Variants in SSBP2 observed in about 807,000 individuals in gnomAD.
The protein encoded by SSBP2 is single stranded DNA binding protein 2.
In SSBP2, 17 loss-of-function variants were observed where a neutral mutation model predicts 61.8. That is an observed-to-expected ratio of 0.28 (90% confidence interval 0.19 to 0.41). The LOEUF is 0.41. SSBP2 is among the 10% of genes least tolerant of loss of function. SSBP2 has a pLI of 1.00. For synonymous variants in SSBP2, 139 were observed against 141.3 expected, an observed-to-expected ratio of 0.98 and a Z score of 0.12; for missense variants, 310 against 458.7, an observed-to-expected ratio of 0.68 and a Z score of 2.96.
chr5:81,474,677 T>TG, intron 6 of SSBP2, 115 bp from the exon 7 acceptor site: 1 of 689,846 alleles, frequency 1.4e-6, no homozygotes, highest in Non-Finnish European at 2.2e-6. Flanking sequence ...ATTTGAGTAT[T>TG]TCTCAAGATT....
chr5:81,502,985 C>T (rs1446717840), intron 5 of SSBP2, among the ~76,000 whole-genome samples: 1 of 152,016 alleles, frequency 6.6e-6, no homozygotes, highest in East Asian at 1.9e-4. Flanking sequence ...CAATGAAAAA[C>T]AAACAACCCC....
intron 4 of SSBP2, among the ~76,000 whole-genome samples, chr5:81,598,964 A>G (rs1398269777): frequency 6.6e-6 from 1 of 152,196 alleles, no homozygotes; most frequent in African/African-American, 2.4e-5. Context: ...GAAAAATGCA[A>G]AAAATCTGAC....
intron 11 of SSBP2, among the ~76,000 whole-genome samples, chr5:81,447,284 A>G (rs1483914380): frequency 6.6e-6 from 1 of 152,232 alleles, no homozygotes; most frequent in East Asian, 1.9e-4. Flanking sequence ...CTAAAATGAT[A>G]TTCGCTTAGA....
At chr5:81,502,259 T>C (rs1767853455) in intron 5 of SSBP2, among the ~76,000 whole-genome samples, 1 of 152,206 alleles carries the variant, frequency 6.6e-6, no homozygotes, top group Non-Finnish European at 1.5e-5. Context: ...ATCAGCAGTA[T>C]TGGACACAGC....
At chr5:81,470,585 G>A (rs919650804) in intron 8 of SSBP2, among the ~76,000 whole-genome samples, 22 of 151,750 alleles carry the variant, frequency 1.4e-4, no homozygotes, top group African/African-American at 4.6e-4. Context: ...CTTTGTTTTA[G>A]GAATTCAGTT....
intron 15 of SSBP2, among the ~76,000 whole-genome samples, chr5:81,430,561 A>C (rs2153912899): frequency 6.6e-6 from 1 of 152,340 alleles, no homozygotes; most frequent in East Asian, 1.9e-4. Context: ...GGCTAACTTC[A>C]AACCTGATTC....
At chr5:81,583,391 A>G (rs1025757541) in intron 4 of SSBP2, among the ~76,000 whole-genome samples, 1 of 152,090 alleles carries the variant, frequency 6.6e-6, no homozygotes, top group Admixed American at 6.6e-5. Flanking sequence ...GCACTTTGGG[A>G]GGCCAAGGCG....
At chr5:81,597,367 G>A (rs909508361) in intron 4 of SSBP2, among the ~76,000 whole-genome samples, 3 of 152,176 alleles carry the variant, frequency 2.0e-5, no homozygotes, top group Admixed American at 2.0e-4. Context: ...AACAGGTGCT[G>A]GAGAGGATGT....
At chr5:81,744,006 ATACCTGAAGCC>A (rs1757196698) in intron 1 of SSBP2, among the ~76,000 whole-genome samples, 1 of 152,306 alleles carries the variant, frequency 6.6e-6, no homozygotes, top group South Asian at 2.1e-4. Flanking sequence ...TCCTGTTTTG[ATACCTGAAGCC>A]AAAAGCCTAA....
intron 16 of SSBP2, among the ~76,000 whole-genome samples, chr5:81,421,679 T>C (rs1162642199): frequency 6.6e-6 from 1 of 152,334 alleles, no homozygotes; most frequent in Middle Eastern, 3.4e-3. Context: ...TGTGCCATTG[T>C]ACCCTCATAT....
At chr5:81,446,217 C>T (rs550317590) in intron 12 of SSBP2, among the ~76,000 whole-genome samples, 20 of 150,544 alleles carry the variant, frequency 1.3e-4, no homozygotes, top group Non-Finnish European at 2.5e-4. Context: ...AAGAAGGGTG[C>T]GCCAATTTAG....
intron 1 of SSBP2, among the ~76,000 whole-genome samples, chr5:81,708,063 A>G (rs1472736010): frequency 1.3e-5 from 2 of 152,142 alleles, no homozygotes; most frequent in Non-Finnish European, 2.9e-5. Context: ...CTTATGGTCA[A>G]TATTTCCTTA....
intron 1 of SSBP2, among the ~76,000 whole-genome samples, chr5:81,705,256 A>G (rs1168222190): frequency 6.6e-6 from 1 of 152,174 alleles, no homozygotes; most frequent in Non-Finnish European, 1.5e-5. Flanking sequence ...AAATTTTTCT[A>G]TACTCCTCTT....
chr5:81,440,829 C>G (rs1281284269), intron 13 of SSBP2, among the ~76,000 whole-genome samples, 193 bp from the exon 14 acceptor site: 3 of 152,148 alleles, frequency 2.0e-5, no homozygotes, highest in African/African-American at 7.2e-5. Flanking sequence ...ATATTGTTTT[C>G]TCTATGTTCC....
intron 6 of SSBP2, among the ~76,000 whole-genome samples, chr5:81,485,199 T>C (rs1346629943): frequency 4.6e-5 from 7 of 152,170 alleles, no homozygotes; most frequent in African/African-American, 9.7e-5. Flanking sequence ...TAAAATTGTA[T>C]AGTCAAATAT....
chr5:81,557,549 T>C (rs570965269), intron 4 of SSBP2, among the ~76,000 whole-genome samples: 20 of 152,258 alleles, frequency 1.3e-4, no homozygotes, highest in Middle Eastern at 3.4e-3. Context: ...TTTAAGGCTT[T>C]TTCCCCTTCA....
intron 12 of SSBP2, among the ~76,000 whole-genome samples, chr5:81,446,471 A>C (rs6883488): frequency 6.6e-6 from 1 of 151,890 alleles, no homozygotes; most frequent in African/African-American, 2.4e-5. Flanking sequence ...TCATCTTAGT[A>C]AGATAATAGA....
chr5:81,738,019 A>G (rs1001028199), intron 1 of SSBP2, among the ~76,000 whole-genome samples: 3 of 152,060 alleles, frequency 2.0e-5, no homozygotes, highest in African/African-American at 7.3e-5. Context: ...TGATTTCCTC[A>G]CACTTTCTCC....
chr5:81,540,648 A>G (rs1268838061), intron 4 of SSBP2, among the ~76,000 whole-genome samples: 2 of 152,080 alleles, frequency 1.3e-5, no homozygotes, highest in African/African-American at 2.4e-5. Context: ...AGGTATGTAC[A>G]TTGTTTCTTT....
Sources: gnomAD v4.1 joint callset for allele counts (sites outside exome capture counted in the v4.1 genomes callset) on GRCh38, gnomAD v4.1.1 for gene constraint, MANE v1.5 for transcripts, NCBI Gene and HGNC (gene_info 2026-07-23, HGNC 2026-07-21) for gene names.